Variants in DNAAF4 observed in about 807,000 individuals in gnomAD.
The protein encoded by DNAAF4 is dynein axonemal assembly factor 4, also known as dynein assembly factor 4, axonemal.
In DNAAF4, 43 loss-of-function variants were observed where a neutral mutation model predicts 51.8. That is an observed-to-expected ratio of 0.83 (90% confidence interval 0.65 to 1.07). DNAAF4 has a LOEUF of 1.07. Ranked by LOEUF, DNAAF4 falls within the 50% of genes least tolerant of loss-of-function variation. DNAAF4 has a pLI of 0.00. For missense variants in DNAAF4, 581 were observed against 493.0 expected, an observed-to-expected ratio of 1.18 and a Z score of -1.69; for synonymous variants, 194 against 165.6, an observed-to-expected ratio of 1.17 and a Z score of -1.32.
rs888953766 is a variant in DNAAF4, at chr15:55,498,391, G to A, written c.-62C>T. On this transcript the variant is annotated 5_prime_UTR_variant, in exon 2 of 10. Transcript: ENST00000321149. ...CTTCTTGCGCCTGCTTGGTTGCTAG[G>A]GAAGCTGGGGTTACCATGCGCCAGC... The A allele has an allele frequency of 5.7e-6, 9 of 1,566,414 alleles. No individual in the cohort carries two copies. The Admixed American group carries it at 1.3e-4, about 23-fold the overall frequency.
Position 55,438,512 on chromosome 15 carries a change from G to A in DNAAF4, c.893+960C>T, listed in dbSNP as rs372582073. On this transcript the variant is annotated intron_variant, in intron 7 of 9. Transcript: ENST00000321149. ...ATGGATTTGAATAGGTCCCACACCA[G>A]GGCTCATGCCTGTAATCCCAGCACT... Among the ~76,000 whole-genome samples the A allele has an allele frequency of 1.4e-3, 208 of 150,952 alleles. 5 individuals carry two copies. The South Asian group carries it at 0.043, about 31-fold the overall frequency.
chr15:55,474,798 G>A (rs574710786), intron 4 of DNAAF4, among the ~76,000 whole-genome samples: 1 of 152,196 alleles, frequency 6.6e-6, no homozygotes, highest in African/African-American at 2.4e-5. Flanking sequence ...GGCCAACATG[G>A]TGAAACCTCG....
At chr15:55,435,791 G>T (rs189178087) in intron 7 of DNAAF4, among the ~76,000 whole-genome samples, 1,555 of 149,426 alleles carry the variant, frequency 0.01, 28 homozygotes, top group Admixed American at 0.019. Context: ...GCTTTTTTTT[G>T]TTTGTTTGTT....
intron 7 of DNAAF4, among the ~76,000 whole-genome samples, chr15:55,420,861 T>C (rs2057382445): frequency 6.6e-6 from 1 of 152,066 alleles, no homozygotes; most frequent in South Asian, 2.1e-4. Flanking sequence ...CCTATGGCAG[T>C]GGTGCACTGT....
chr15:55,504,157 A>C (rs146219469), intron 1 of DNAAF4, among the ~76,000 whole-genome samples: 7,496 of 152,262 alleles, frequency 0.049, 267 homozygotes, highest in East Asian at 0.15. Context: ...ATCATGAGTG[A>C]ACTCCCATTC....
At chr15:55,431,256 T>C (rs1174517440) in intron 9 of DNAAF4, among the ~76,000 whole-genome samples, 1 of 152,100 alleles carries the variant, frequency 6.6e-6, no homozygotes, top group Non-Finnish European at 1.5e-5. Flanking sequence ...CTATATTTTC[T>C]GTATACATAG....
At chr15:55,417,797 G>A (rs1387461485) in exon 8 of DNAAF4, 3 of 217,680 alleles carry the variant, frequency 1.4e-5, no homozygotes, top group Non-Finnish European at 1.8e-5. Flanking sequence ...GGGTGGAGGC[G>A]GGCTGAGTCC....
At chr15:55,487,570 G>GGCA (rs1332623843) in intron 4 of DNAAF4, among the ~76,000 whole-genome samples, 1 of 151,932 alleles carries the variant, frequency 6.6e-6, no homozygotes, top group Non-Finnish European at 1.5e-5. Context: ...TCACTCTTCG[G>GGCA]GTCCGCGCCA....
At chr15:55,451,371 C>A (rs1266597382) in intron 5 of DNAAF4, among the ~76,000 whole-genome samples, 1 of 152,174 alleles carries the variant, frequency 6.6e-6, no homozygotes, top group East Asian at 1.9e-4. Context: ...CTACCTAATA[C>A]AAGATCCCAA....
At chr15:55,484,527 TC>T (rs2058460142) in intron 4 of DNAAF4, among the ~76,000 whole-genome samples, 1 of 151,418 alleles carries the variant, frequency 6.6e-6, no homozygotes, top group East Asian at 1.9e-4. Flanking sequence ...TACCATATGA[TC>T]TGCTATATCC....
rs182588068 is a variant in DNAAF4, at chr15:55,447,895, A to C, written c.783+2327T>G. On this transcript the variant is annotated intron_variant, in intron 6 of 9. Coordinates refer to ENST00000321149, the MANE Select transcript of DNAAF4 (RefSeq NM_130810.4). ...GGAGAGGGGAGAGGGGAGCCCCTTT[A>C]TTTCTTTCTCCTGCCTGACTGCCCT... Among the ~76,000 whole-genome samples, 265 of 150,254 alleles carry C rather than the reference A, an allele frequency of 1.8e-3. 4 individuals are homozygous for C. The highest frequency in any genetic ancestry group is 3.2e-3 in the Non-Finnish European group (217 of 67,508).
chr15:55,452,938 GC>G (rs1334382185), intron 5 of DNAAF4, among the ~76,000 whole-genome samples: 4 of 152,298 alleles, frequency 2.6e-5, no homozygotes, highest in Admixed American at 2.6e-4. Context: ...CGATTCTCCT[GC>G]CTCAGCCTCC....
In DNAAF4 at chr15:55,432,712, G is replaced by A. The variant is rs1009054836; in HGVS notation, c.1048-110C>T. 63 of 829,646 alleles carry A rather than the reference G, an allele frequency of 7.6e-5. 2 individuals are homozygous for A. The Admixed American group carries it at 7.9e-4, about 10-fold the overall frequency. The allele number at this position is 829,646 out of a possible 1,614,324, so 51.4% of individuals were successfully genotyped here. ...TGTAATCCCAACACTTGGGGAGGCCGAGGTAGGTGGATCACCTGAAGTCAG... is the reference window on the plus strand; with the variant it reads ...TGTAATCCCAACACTTGGGGAGGCCAAGGTAGGTGGATCACCTGAAGTCAG... On this transcript the variant is annotated intron_variant, in intron 8 of 9. Coordinates refer to ENST00000321149, the MANE Select transcript of DNAAF4 (RefSeq NM_130810.4).
intron 5 of DNAAF4, among the ~76,000 whole-genome samples, chr15:55,466,551 G>A (rs2058173326): frequency 6.6e-6 from 1 of 152,182 alleles, no homozygotes; most frequent in African/African-American, 2.4e-5. Context: ...TGAGGAAAAG[G>A]TCTTTTAATG....
chr15:55,492,490 A>G (rs980548058), intron 3 of DNAAF4, among the ~76,000 whole-genome samples: 16 of 152,180 alleles, frequency 1.1e-4, no homozygotes, highest in African/African-American at 3.9e-4. Context: ...AGGTCTACAA[A>G]GAAACTCAGT....
chr15:55,440,123 G>C (rs1264466379), intron 6 of DNAAF4, among the ~76,000 whole-genome samples: 3 of 151,626 alleles, frequency 2.0e-5, no homozygotes, highest in African/African-American at 7.3e-5. Context: ...AGCAATCTCA[G>C]CTCACTGTAA....
Position 55,498,194 on chromosome 15 carries a change from C to CT in DNAAF4, c.123+12dup, listed in dbSNP as rs775035354. 6.2e-7 allele frequency: 1 copy of CT among 1,614,046 alleles called. No homozygotes were observed. The highest frequency in any genetic ancestry group is 8.5e-7 in the Non-Finnish European group (1 of 1,179,956). On this transcript the variant is annotated intron_variant, in intron 2 of 9. Coordinates refer to ENST00000321149, the MANE Select transcript of DNAAF4 (RefSeq NM_130810.4). ...CACCCCCGGAGACCGGCAGGCAAGA[C>CT]TTGCATTCTTACCTTCAGATAGTTT...
chr15:55,507,222 C>A (rs1045310634), intron 1 of DNAAF4, among the ~76,000 whole-genome samples: 3 of 152,086 alleles, frequency 2.0e-5, no homozygotes, highest in Admixed American at 2.0e-4. Context: ...TAAAACTATA[C>A]AAACACTTCT....
chr15:55,463,032 G>C (rs1227352047), intron 5 of DNAAF4, among the ~76,000 whole-genome samples: 1 of 152,130 alleles, frequency 6.6e-6, no homozygotes, highest in Non-Finnish European at 1.5e-5. Flanking sequence ...AAGTTAGCTA[G>C]GTGTGGTGGT....
Sources: allele counts gnomAD v4.1 joint callset (sites outside exome capture counted in the v4.1 genomes callset), GRCh38; gene constraint gnomAD v4.1.1; transcripts MANE v1.5; gene names NCBI Gene and HGNC (gene_info 2026-07-23, HGNC 2026-07-21).